PLCXD3: variants seen among roughly 807,000 people sequenced by gnomAD.
PLCXD3 encodes the protein PI-PLC X domain-containing protein 3.
PLCXD3 carries 19 observed loss-of-function variants against 25.5 expected under a neutral mutation model. The observed-to-expected ratio is 0.75, with a 90% CI of 0.52 to 1.09. The LOEUF (loss-of-function observed/expected upper bound fraction) is 1.09. Among genes scored for constraint, PLCXD3 ranks in the 50% least tolerant of loss-of-function variants. The pLI is 0.00. For missense variants in PLCXD3, 411 were observed against 388.1 expected, an observed-to-expected ratio of 1.06 and a Z score of -0.50; for synonymous variants, 174 against 137.6, an observed-to-expected ratio of 1.26 and a Z score of -1.85.
intron 1 of PLCXD3, among the ~76,000 whole-genome samples, chr5:41,468,345 G>T (rs1289163931): frequency 1.3e-5 from 2 of 151,958 alleles, no homozygotes; most frequent in African/African-American, 4.8e-5. Flanking sequence ...CTTAAGATTG[G>T]TTTGGCTATA....
At chr5:41,422,053 A>G (rs1186507621) in intron 1 of PLCXD3, among the ~76,000 whole-genome samples, 1 of 152,160 alleles carries the variant, frequency 6.6e-6, no homozygotes, top group African/African-American at 2.4e-5. Flanking sequence ...TTACTTACAT[A>G]TGTATTAATT....
chr5:41,469,562 T>G (rs758929480), intron 1 of PLCXD3, among the ~76,000 whole-genome samples: 2 of 152,134 alleles, frequency 1.3e-5, no homozygotes, highest in Non-Finnish European at 2.9e-5. Flanking sequence ...GATTTTCTAT[T>G]TTTCATGATT....
intron 2 of PLCXD3, among the ~76,000 whole-genome samples, chr5:41,381,185 G>T (rs1333231156): frequency 2.0e-5 from 3 of 152,096 alleles, no homozygotes; most frequent in African/African-American, 4.8e-5. Flanking sequence ...GATATTAAAA[G>T]ACTCTGCAAA....
chr5:41,435,393 G>A (rs1175074005), intron 1 of PLCXD3, among the ~76,000 whole-genome samples: 1 of 152,154 alleles, frequency 6.6e-6, no homozygotes, highest in Non-Finnish European at 1.5e-5. Context: ...AAGTCAACCT[G>A]CCCTTGAAAC....
intron 1 of PLCXD3, among the ~76,000 whole-genome samples, chr5:41,488,408 T>C (rs1442278472): frequency 7.8e-6 from 1 of 128,098 alleles, no homozygotes; most frequent in Non-Finnish European, 1.6e-5. Flanking sequence ...TGTGTCTTTA[T>C]AGCAGCATGA....
intron 1 of PLCXD3, among the ~76,000 whole-genome samples, chr5:41,427,701 A>G (rs1031984869): frequency 6.6e-6 from 1 of 151,836 alleles, no homozygotes; most frequent in African/African-American, 2.4e-5. Context: ...GGAAATCTTG[A>G]CTTCCTTTTC....
chr5:41,428,497 G>A (rs1402165661), intron 1 of PLCXD3, among the ~76,000 whole-genome samples: 3 of 150,880 alleles, frequency 2.0e-5, no homozygotes, highest in Non-Finnish European at 4.4e-5. Flanking sequence ...AAAAGATCAC[G>A]TGAGGACACA....
At chr5:41,477,678 A>AT (rs1748311229) in intron 1 of PLCXD3, among the ~76,000 whole-genome samples, 4 of 151,932 alleles carry the variant, frequency 2.6e-5, no homozygotes, top group African/African-American at 9.7e-5. Flanking sequence ...CCAAAAAAAA[A>AT]TTAAAAAAAA....
At chr5:41,415,283 A>G (rs190356162) in intron 1 of PLCXD3, among the ~76,000 whole-genome samples, 5 of 152,120 alleles carry the variant, frequency 3.3e-5, no homozygotes, top group Non-Finnish European at 5.9e-5. Flanking sequence ...GTGTTTCAAG[A>G]CCTCCCAGAA....
chr5:41,331,768 G>C (rs980515303), intron 2 of PLCXD3, among the ~76,000 whole-genome samples: 5 of 152,122 alleles, frequency 3.3e-5, no homozygotes, highest in African/African-American at 1.2e-4. Flanking sequence ...GAACAGAACA[G>C]AGTCCTCAGA....
At chr5:41,379,270 AT>A (rs1197114944) in intron 2 of PLCXD3, among the ~76,000 whole-genome samples, 11 of 152,042 alleles carry the variant, frequency 7.2e-5, no homozygotes, top group African/African-American at 2.4e-4. Flanking sequence ...AAAATAACAC[AT>A]TTTTATATGT....
chr5:41,467,643 T>G (rs1315786276), intron 1 of PLCXD3, among the ~76,000 whole-genome samples: 1 of 152,164 alleles, frequency 6.6e-6, no homozygotes, highest in Non-Finnish European at 1.5e-5. Flanking sequence ...TAAATCAATG[T>G]CATGAATATT....
At chr5:41,502,324 T>C (rs1748969810) in intron 1 of PLCXD3, among the ~76,000 whole-genome samples, 1 of 152,016 alleles carries the variant, frequency 6.6e-6, no homozygotes, top group South Asian at 2.1e-4. Context: ...AGAGGTGAAG[T>C]AATCAGTTTA....
chr5:41,420,360 T>G (rs1294209470), intron 1 of PLCXD3, among the ~76,000 whole-genome samples: 1 of 152,246 alleles, frequency 6.6e-6, no homozygotes, highest in Non-Finnish European at 1.5e-5. Context: ...AGAGTCACAG[T>G]TATTATAGAA....
intron 1 of PLCXD3, chr5:41,456,441 A>G (rs1021923725): frequency 9.6e-6 from 5 of 523,474 alleles, no homozygotes; most frequent in Admixed American, 6.4e-5. Context: ...TTTTTCTAAA[A>G]GAGATAAATT....
rs757860578 is a variant in PLCXD3 at position 41,382,201 on chromosome 5, T to C, written c.437A>G (p.His146Arg). Residue 146 changes from histidine (H) to arginine (R), a missense_variant, in exon 2 of 3, where the codon CAC becomes CGC. By Grantham distance (29) the His-to-Arg change is conservative. Coordinates refer to ENST00000377801, the MANE Select transcript of PLCXD3 (RefSeq NM_001005473.3). ...GTGATATTTCTGCATCCCATAAAAG[T>C]GGTTGAAGTCCAAGAACACTACCTC... ...HKEVVFLDFN[H>R]FYGMQKYHHE... The C allele has an allele frequency of 3.1e-6, 5 of 1,613,632 alleles. No homozygotes were observed. Among genetic ancestry groups the C allele is most frequent in the Non-Finnish European group, 4.2e-6 (5 of 1,179,790 alleles).
chr5:41,421,555 A>T (rs796128599), intron 1 of PLCXD3, among the ~76,000 whole-genome samples: 1 of 150,960 alleles, frequency 6.6e-6, no homozygotes, highest in Non-Finnish European at 1.5e-5. Flanking sequence ...CAAAAAATTA[A>T]CCGGGCGCGG....
At chr5:41,490,966 C>T (rs1179800960) in intron 1 of PLCXD3, among the ~76,000 whole-genome samples, 1 of 151,922 alleles carries the variant, frequency 6.6e-6, no homozygotes, top group Non-Finnish European at 1.5e-5. Context: ...TTATTTCTTG[C>T]CTTCTGCTAG....
intron 2 of PLCXD3, among the ~76,000 whole-genome samples, chr5:41,315,847 A>G (rs1047156952): frequency 6.6e-6 from 1 of 152,208 alleles, no homozygotes; most frequent in Non-Finnish European, 1.5e-5. Context: ...TCACACAGGG[A>G]ATATTTAAAC....
Sources: gnomAD v4.1 joint callset for allele counts (sites outside exome capture counted in the v4.1 genomes callset) on GRCh38, gnomAD v4.1.1 for gene constraint, MANE v1.5 for transcripts, NCBI Gene and HGNC (gene_info 2026-07-23, HGNC 2026-07-21) for gene names.